Variants in SAMD5 observed in about 807,000 individuals in gnomAD.
SAMD5 encodes sterile alpha motif domain containing 5.
A neutral mutation model predicts 11.3 loss-of-function variants in SAMD5; 13 were observed. The ratio of observed to expected loss-of-function variants is 1.15; its 90% CI spans 0.75 to 1.83. The LOEUF (loss-of-function observed/expected upper bound fraction) is 1.83. SAMD5 is among the 40% of genes most tolerant of loss of function. The pLI is 0.00. For missense variants in SAMD5, 255 were observed against 239.1 expected (o/e 1.07, Z -0.44); for synonymous variants, 129 against 111.3 (o/e 1.16, Z -1.00).
At chr6:147,677,819 A>G (rs1790886331) in intron 1 of SAMD5, among the ~76,000 whole-genome samples, 1 of 152,160 alleles carries the variant, frequency 6.6e-6, no homozygotes, top group African/African-American at 2.4e-5. Flanking sequence ...TAGAGGCCCA[A>G]CCAAAAAGTG....
chr6:147,761,201 TC>T, the SAMD5 span, among the ~76,000 whole-genome samples: 3 of 152,172 alleles, frequency 2.0e-5, no homozygotes, highest in African/African-American at 7.2e-5. Context: ...TAACTTAATT[TC>T]AACCTTAATA....
chr6:147,626,423 C>T (rs961793879), intron 1 of SAMD5, among the ~76,000 whole-genome samples: 1 of 150,956 alleles, frequency 6.6e-6, no homozygotes, highest in Non-Finnish European at 1.5e-5. Context: ...CAAGAGTTTA[C>T]TGGACATTTT....
chr6:147,936,166 GCCCT>G, the SAMD5 span, among the ~76,000 whole-genome samples: 1 of 152,114 alleles, frequency 6.6e-6, no homozygotes, highest in Non-Finnish European at 1.5e-5. Flanking sequence ...CATTTCAAAG[GCCCT>G]TAGGATGTTG....
chr6:147,881,902 C>A, the SAMD5 span, among the ~76,000 whole-genome samples: 1 of 152,130 alleles, frequency 6.6e-6, no homozygotes, highest in South Asian at 2.1e-4. Context: ...GGAAGAATGC[C>A]CTGGCATTTT....
chr6:147,516,470 A>G (rs34292635), intron 1 of SAMD5, among the ~76,000 whole-genome samples: 71,394 of 151,770 alleles, frequency 0.47, 19,512 homozygotes, highest in African/African-American at 0.77. Flanking sequence ...AGTGATTACC[A>G]CATAGGGTTG....
chr6:147,522,876 T>C (rs1031342706), intron 1 of SAMD5, among the ~76,000 whole-genome samples: 1 of 152,208 alleles, frequency 6.6e-6, no homozygotes, highest in African/African-American at 2.4e-5. Flanking sequence ...AAAGGTTTCC[T>C]TTTCTGGCTT....
chr6:147,765,655 C>T, the SAMD5 span, among the ~76,000 whole-genome samples: 64,304 of 152,056 alleles, frequency 0.42, 15,976 homozygotes, highest in Middle Eastern at 0.56. Context: ...TCAGCATGTT[C>T]CTTGGAACTT....
chr6:147,742,020 A>G (rs1791885953), downstream of SAMD5: 1 of 152,242 alleles, frequency 6.6e-6, no homozygotes, highest in Admixed American at 6.5e-5. Flanking sequence ...CCCATATTCA[A>G]CATGCAAAGA....
At chr6:147,763,641 C>T in the SAMD5 span, among the ~76,000 whole-genome samples, 28 of 151,878 alleles carry the variant, frequency 1.8e-4, no homozygotes, top group Admixed American at 1.6e-3. Context: ...AGTGCAGTGG[C>T]GCGATTTTGG....
At chr6:147,782,591 T>C in the SAMD5 span, among the ~76,000 whole-genome samples, 1 of 152,200 alleles carries the variant, frequency 6.6e-6, no homozygotes, top group Non-Finnish European at 1.5e-5. Context: ...CAGGGGACTA[T>C]CTGATGATTC....
intron 1 of SAMD5, among the ~76,000 whole-genome samples, chr6:147,668,499 A>C (rs1286709499): frequency 6.6e-6 from 1 of 152,198 alleles, no homozygotes; most frequent in African/African-American, 2.4e-5. Flanking sequence ...TAATAAAGTA[A>C]CCACAGCAAT....
At chr6:147,947,998 G>A in the SAMD5 span, among the ~76,000 whole-genome samples, 7 of 151,874 alleles carry the variant, frequency 4.6e-5, no homozygotes, top group East Asian at 1.2e-3. Flanking sequence ...TCCTCCTCCT[G>A]TGTCACGGTG....
At chr6:147,510,856 G>A (rs10499248) in intron 1 of SAMD5, among the ~76,000 whole-genome samples, 8,470 of 152,286 alleles carry the variant, frequency 0.056, 305 homozygotes, top group Admixed American at 0.088. Flanking sequence ...TGTGCTCAAA[G>A]CAGGAAAGGA....
the SAMD5 span, among the ~76,000 whole-genome samples, chr6:147,789,170 G>A: frequency 6.6e-6 from 1 of 151,648 alleles, no homozygotes; most frequent in Non-Finnish European, 1.5e-5. Flanking sequence ...GGAGCCTGAG[G>A]CAGAAGGATT....
the SAMD5 span, among the ~76,000 whole-genome samples, chr6:147,917,981 T>A: frequency 1.3e-5 from 2 of 152,276 alleles, no homozygotes; most frequent in African/African-American, 4.8e-5. Context: ...TAGTTTGAAG[T>A]CAGGTAGCGT....
chr6:147,829,221 G>A, the SAMD5 span, among the ~76,000 whole-genome samples: 2 of 152,180 alleles, frequency 1.3e-5, no homozygotes, highest in African/African-American at 4.8e-5. Context: ...CAAGCCAGTG[G>A]AGCAAATACA....
intron 1 of SAMD5, among the ~76,000 whole-genome samples, chr6:147,555,169 T>A (rs1019635876): frequency 6.6e-6 from 1 of 152,228 alleles, no homozygotes; most frequent in Non-Finnish European, 1.5e-5. Flanking sequence ...TTTTGAATAT[T>A]CTGTGTAACA....
intron 1 of SAMD5, among the ~76,000 whole-genome samples, chr6:147,586,187 G>T (rs1160636459): frequency 6.6e-6 from 1 of 152,168 alleles, no homozygotes; most frequent in African/African-American, 2.4e-5. Context: ...CATATTCACA[G>T]TGCTGCTGCT....
chr6:147,580,871 T>A (rs536396679), intron 1 of SAMD5, among the ~76,000 whole-genome samples: 1 of 152,108 alleles, frequency 6.6e-6, no homozygotes, highest in Non-Finnish European at 1.5e-5. Context: ...GTAGAGAATG[T>A]CACTCTTTGT....
Sources: allele counts gnomAD v4.1 joint callset (sites outside exome capture counted in the v4.1 genomes callset), GRCh38; gene constraint gnomAD v4.1.1; transcripts MANE v1.5; gene names NCBI Gene and HGNC (gene_info 2026-07-23, HGNC 2026-07-21).